Variants in RALYL observed in about 807,000 individuals in gnomAD.
RALYL encodes the protein RNA-binding Raly-like protein.
In RALYL, 29 loss-of-function variants were observed where a neutral mutation model predicts 35.1. That is an observed-to-expected ratio of 0.83 (90% confidence interval 0.61 to 1.13). The LOEUF is 1.13. Ranked by LOEUF, RALYL falls within the 50% of genes most tolerant of loss-of-function variation. The pLI, the probability that RALYL is intolerant of heterozygous loss-of-function variation, is 0.00. For missense variants in RALYL, 359 were observed against 360.4 expected, an observed-to-expected ratio of 1.00 and a Z score of 0.03; for synonymous variants, 120 against 127.6, an observed-to-expected ratio of 0.94 and a Z score of 0.40.
At chr8:84,286,806 C>T (rs1450074666) in intron 1 of RALYL, among the ~76,000 whole-genome samples, 1 of 152,080 alleles carries the variant, frequency 6.6e-6, no homozygotes, top group Non-Finnish European at 1.5e-5. Context: ...TTAGTTCTGG[C>T]CTCTGGGTGT....
intron 1 of RALYL, among the ~76,000 whole-genome samples, chr8:84,219,542 C>T (rs1178632360): frequency 1.3e-5 from 2 of 151,600 alleles, no homozygotes; most frequent in Non-Finnish European, 2.9e-5. Flanking sequence ...ATCCACTTGC[C>T]TTTTTCACTC....
chr8:84,626,417 A>C (rs1357766893), intron 2 of RALYL, among the ~76,000 whole-genome samples: 3 of 152,170 alleles, frequency 2.0e-5, no homozygotes, highest in Non-Finnish European at 2.9e-5. Context: ...CACACGATGG[A>C]GTCATTTCTT....
At chr8:84,627,167 G>A (rs188755118) in intron 2 of RALYL, among the ~76,000 whole-genome samples, 8 of 152,020 alleles carry the variant, frequency 5.3e-5, no homozygotes, top group African/African-American at 1.9e-4. Flanking sequence ...TGGATTGAAT[G>A]ACCTAAAAAG....
chr8:84,737,967 T>C (rs1203561313), intron 2 of RALYL, among the ~76,000 whole-genome samples: 1 of 152,034 alleles, frequency 6.6e-6, no homozygotes, highest in Non-Finnish European at 1.5e-5. Flanking sequence ...CATGGTGTTT[T>C]TCTATAGAAG....
chr8:84,297,561 G>A (rs1244230803), intron 1 of RALYL, among the ~76,000 whole-genome samples: 1 of 151,970 alleles, frequency 6.6e-6, no homozygotes, highest in East Asian at 1.9e-4. Flanking sequence ...TATTTTTGGA[G>A]GTATATACCC....
At position 84,529,349 on chromosome 8, in the gene RALYL, G is replaced by A. The variant is rs565473112; in HGVS notation, c.28G>A (p.Val10Ile). Residue 10 changes from valine (V) to isoleucine (I), a missense_variant, in exon 2 of 9, where the codon GTC (valine) becomes ATC (isoleucine). Physicochemically the swap from Val to Ile is conservative, Grantham distance 29. Transcript: ENST00000521268. ...GACTGGCAAAACACAGACCAGCAAC[G>A]TCACCAATAAGAATGACCCCAAGTC... MTGKTQTSN[V>I]TNKNDPKSIN... 11 of 1,588,388 alleles carry A rather than the reference G, an allele frequency of 6.9e-6. No individual in the cohort carries two copies. Among genetic ancestry groups the A allele is most frequent in the African/African-American group, 6.7e-5 (5 of 74,804 alleles).
At chr8:84,618,160 A>T (rs955082598) in intron 2 of RALYL, among the ~76,000 whole-genome samples, 3 of 151,804 alleles carry the variant, frequency 2.0e-5, no homozygotes, top group Non-Finnish European at 4.4e-5. Flanking sequence ...ATAGTTTCAG[A>T]AGGAATGGTA....
At chr8:84,856,896 C>T (rs1281552156) in intron 5 of RALYL, among the ~76,000 whole-genome samples, 1 of 151,240 alleles carries the variant, frequency 6.6e-6, no homozygotes, top group Middle Eastern at 3.2e-3. Flanking sequence ...GGCGCGGTGG[C>T]AGGCGCCTGT....
intron 1 of RALYL, among the ~76,000 whole-genome samples, chr8:84,395,118 A>G (rs1861507196): frequency 6.6e-6 from 1 of 151,876 alleles, no homozygotes; most frequent in South Asian, 2.1e-4. Flanking sequence ...TGCATATTTT[A>G]GACAATTATC....
In RALYL at chr8:84,352,850, A is replaced by C. The variant is rs548920759; in HGVS notation, c.-24+168426A>C. 5.3e-5 allele frequency among the ~76,000 whole-genome samples: 8 copies of C among 150,320 alleles called. No individual in the cohort carries two copies. The East Asian group carries it at 1.6e-3, about 29-fold the overall frequency. ...TAGTCAGTAGACCTAGCATTTGAAC[A>C]TTGAGCTCTGGACTGCAAATCTTAT... On this transcript the variant is annotated intron_variant, in intron 1 of 8. Transcript: ENST00000521268.
At chr8:84,411,381 A>G (rs568459007) in intron 1 of RALYL, among the ~76,000 whole-genome samples, 2 of 151,968 alleles carry the variant, frequency 1.3e-5, no homozygotes, top group East Asian at 3.9e-4. Flanking sequence ...CAGTTCTTTC[A>G]GTGACTTTTC....
intron 1 of RALYL, among the ~76,000 whole-genome samples, chr8:84,240,797 T>G (rs1827681636): frequency 6.6e-6 from 1 of 152,180 alleles, no homozygotes; most frequent in African/African-American, 2.4e-5. Flanking sequence ...AATTTGAGAA[T>G]GAACTATATC....
chr8:84,407,042 ACACACT>A (rs1234417646), intron 1 of RALYL, among the ~76,000 whole-genome samples: 12 of 149,082 alleles, frequency 8.0e-5, no homozygotes, highest in African/African-American at 2.5e-4. Context: ...ATATACACAC[ACACACT>A]CACACACACA....
intron 2 of RALYL, among the ~76,000 whole-genome samples, chr8:84,614,048 C>T (rs1172343628): frequency 6.6e-6 from 1 of 151,150 alleles, no homozygotes; most frequent in Non-Finnish European, 1.5e-5. Flanking sequence ...AATTGTTAGG[C>T]CTTAGCGTCC....
chr8:84,444,390 C>G (rs554405396), intron 1 of RALYL, among the ~76,000 whole-genome samples: 9 of 152,054 alleles, frequency 5.9e-5, no homozygotes, highest in African/African-American at 1.7e-4. Flanking sequence ...ACACCCAAAA[C>G]AAGAACATCA....
At chr8:84,490,709 A>G (rs1348493360) in intron 1 of RALYL, among the ~76,000 whole-genome samples, 1 of 150,342 alleles carries the variant, frequency 6.7e-6, no homozygotes, top group Non-Finnish European at 1.5e-5. Flanking sequence ...TTATAAATAT[A>G]TATATTTTTA....
At chr8:84,760,657 A>T (rs1048482617) in intron 2 of RALYL, among the ~76,000 whole-genome samples, 2 of 152,110 alleles carry the variant, frequency 1.3e-5, no homozygotes, top group Non-Finnish European at 1.5e-5. Context: ...CAAAATGTTA[A>T]GCAAAATTCA....
At chr8:84,756,160 T>C (rs1811361375) in intron 2 of RALYL, among the ~76,000 whole-genome samples, 1 of 151,462 alleles carries the variant, frequency 6.6e-6, no homozygotes, top group Admixed American at 6.6e-5. Context: ...CTATTTCTCA[T>C]CCCCCCCAAA....
At chr8:84,831,473 C>T (rs917936045) in intron 4 of RALYL, among the ~76,000 whole-genome samples, 3 of 152,140 alleles carry the variant, frequency 2.0e-5, no homozygotes, top group Non-Finnish European at 4.4e-5. Flanking sequence ...AGGGTAGTCA[C>T]TCACCTGGTT....
Sources: allele counts gnomAD v4.1 joint callset (sites outside exome capture counted in the v4.1 genomes callset), GRCh38; gene constraint gnomAD v4.1.1; transcripts MANE v1.5; gene names NCBI Gene and HGNC (gene_info 2026-07-23, HGNC 2026-07-21).